WDR72: variants seen among roughly 807,000 people sequenced by gnomAD.
WDR72 encodes WD repeat-containing protein 72.
Under a neutral mutation model 124.2 loss-of-function variants are expected in WDR72, and 120 were observed. That is an observed-to-expected ratio of 0.97 (90% CI 0.83 to 1.12). The LOEUF (loss-of-function observed/expected upper bound fraction) is 1.12. Among genes scored for constraint, WDR72 ranks in the 50% most tolerant of loss-of-function variants. The pLI is 0.00. For missense variants in WDR72, 1,387 were observed against 1,278.8 expected (o/e 1.08, Z -1.29); for synonymous variants, 452 against 441.7 (o/e 1.02, Z -0.29).
chr15:53,708,938 A>T (rs2017459730), intron 9 of WDR72, among the ~76,000 whole-genome samples: 1 of 152,194 alleles, frequency 6.6e-6, no homozygotes, highest in Admixed American at 6.5e-5. Context: ...ACGAATCCTC[A>T]TTCTTACCAC....
intron 1 of WDR72, among the ~76,000 whole-genome samples, chr15:53,738,145 C>A (rs971677686): frequency 2.0e-5 from 3 of 151,800 alleles, no homozygotes; most frequent in African/African-American, 7.3e-5. Flanking sequence ...AGTATGAAAA[C>A]GTTGTATAAT....
chr15:53,522,861 C>G (rs577120212), intron 19 of WDR72, among the ~76,000 whole-genome samples: 1 of 152,160 alleles, frequency 6.6e-6, no homozygotes, highest in South Asian at 2.1e-4. Flanking sequence ...CTGTCCACTT[C>G]CGCTCCCCTC....
chr15:53,555,805 A>C (rs899903514), intron 18 of WDR72, among the ~76,000 whole-genome samples: 1 of 152,090 alleles, frequency 6.6e-6, no homozygotes, highest in Admixed American at 6.6e-5. Flanking sequence ...TTACCTTGCA[A>C]AGACAAAGGG....
chr15:53,558,129 C>T (rs1893996959), intron 18 of WDR72, among the ~76,000 whole-genome samples: 1 of 151,990 alleles, frequency 6.6e-6, no homozygotes, highest in Non-Finnish European at 1.5e-5. Flanking sequence ...TCCACTTCTA[C>T]TATAAATGTG....
intron 11 of WDR72, among the ~76,000 whole-genome samples, chr15:53,704,028 T>C (rs1339764707): frequency 2.0e-5 from 3 of 152,202 alleles, no homozygotes; most frequent in Non-Finnish European, 4.4e-5. Flanking sequence ...TACCTCTCTT[T>C]GGTTCATTGC....
intron 2 of WDR72, among the ~76,000 whole-genome samples, chr15:53,727,224 T>C (rs2018066881): frequency 1.4e-5 from 1 of 72,070 alleles, no homozygotes; most frequent in African/African-American, 1.2e-4. Flanking sequence ...TAAGACTCTG[T>C]CTAAAAAAAA....
chr15:53,650,904 T>TTTG (rs1323045532), intron 14 of WDR72, among the ~76,000 whole-genome samples: 1 of 150,058 alleles, frequency 6.7e-6, no homozygotes, highest in Non-Finnish European at 1.5e-5. Context: ...TTTTTTTTTT[T>TTTG]TTTTTTTTTT....
intron 17 of WDR72, among the ~76,000 whole-genome samples, chr15:53,600,327 G>A (rs77494071): frequency 0.02 from 3,094 of 152,152 alleles, 108 homozygotes; most frequent in African/African-American, 0.071. Flanking sequence ...TGTTTATATG[G>A]CATTTTATAT....
At chr15:53,603,900 A>G (rs1171935316) in intron 17 of WDR72, among the ~76,000 whole-genome samples, 2 of 152,206 alleles carry the variant, frequency 1.3e-5, no homozygotes, top group Non-Finnish European at 2.9e-5. Flanking sequence ...TAAAATGGCC[A>G]TACTGCCTAG....
At chr15:53,537,705 ATCTG>A (rs1398230105) in intron 18 of WDR72, among the ~76,000 whole-genome samples, 3 of 152,172 alleles carry the variant, frequency 2.0e-5, no homozygotes, top group African/African-American at 7.2e-5. Context: ...TTATTTGTAT[ATCTG>A]TCTTTGTCTA....
At chr15:53,552,711 T>G (rs1029089439) in intron 18 of WDR72, among the ~76,000 whole-genome samples, 1 of 152,128 alleles carries the variant, frequency 6.6e-6, no homozygotes. Context: ...CTGTATCATA[T>G]AGAAGAATAG....
intron 18 of WDR72, among the ~76,000 whole-genome samples, chr15:53,565,201 G>T (rs1198593095): frequency 6.6e-6 from 1 of 151,804 alleles, no homozygotes; most frequent in Admixed American, 6.6e-5. Context: ...GGGAGCCCTT[G>T]GGGACTCGAG....
chr15:53,656,180 C>T (rs117050511), intron 14 of WDR72, among the ~76,000 whole-genome samples: 1,622 of 152,248 alleles, frequency 0.011, 6 homozygotes, highest in Non-Finnish European at 0.018. Context: ...CACACTTGAA[C>T]CAAAAGATTA....
intron 3 of WDR72, among the ~76,000 whole-genome samples, chr15:53,720,766 GT>G (rs2017855725): frequency 6.6e-6 from 1 of 152,024 alleles, no homozygotes; most frequent in Non-Finnish European, 1.5e-5. Context: ...TTGGCATTCT[GT>G]TGTTTTAACA....
intron 13 of WDR72, among the ~76,000 whole-genome samples, chr15:53,683,397 A>C (rs184537437): frequency 2.6e-5 from 4 of 152,096 alleles, no homozygotes; most frequent in Non-Finnish European, 5.9e-5. Flanking sequence ...AACCCCAAAT[A>C]CCCTAACCTG....
At chr15:53,732,726 A>G (rs2018237518) in intron 2 of WDR72, among the ~76,000 whole-genome samples, 1 of 152,204 alleles carries the variant, frequency 6.6e-6, no homozygotes, top group Non-Finnish European at 1.5e-5. Flanking sequence ...AATTCAGGAT[A>G]TAAAATAGTA....
At chr15:53,731,676 T>C (rs1270409921) in intron 2 of WDR72, among the ~76,000 whole-genome samples, 2 of 151,952 alleles carry the variant, frequency 1.3e-5, no homozygotes, top group East Asian at 2.0e-4. Context: ...TGCAGACCAT[T>C]CCCTGCTTAG....
chr15:53,530,146 T>A (rs924248714), intron 18 of WDR72, among the ~76,000 whole-genome samples: 3 of 151,558 alleles, frequency 2.0e-5, no homozygotes, highest in Non-Finnish European at 4.4e-5. Flanking sequence ...TGAATATTAC[T>A]GAGTAAATCT....
intron 1 of WDR72, among the ~76,000 whole-genome samples, chr15:53,751,238 T>C: frequency 6.9e-6 from 1 of 145,748 alleles, no homozygotes; most frequent in East Asian, 2.0e-4. Context: ...GTGAGACTAC[T>C]TTAAAAAAAA....
Sources: gnomAD v4.1 joint callset for allele counts (sites outside exome capture counted in the v4.1 genomes callset) on GRCh38, gnomAD v4.1.1 for gene constraint, MANE v1.5 for transcripts, NCBI Gene and HGNC (gene_info 2026-07-23, HGNC 2026-07-21) for gene names.